Variants in PDZD8 observed in about 807,000 individuals in gnomAD.
PDZD8 encodes PDZ domain containing 8.
PDZD8 carries 14 observed loss-of-function variants against 85.8 expected under a neutral mutation model. That is an observed-to-expected ratio of 0.16 (90% confidence interval 0.11 to 0.26). The LOEUF (loss-of-function observed/expected upper bound fraction) is 0.26. Ranked by LOEUF, PDZD8 falls within the 10% of genes least tolerant of loss-of-function variation. The pLI, the probability that PDZD8 is intolerant of heterozygous loss-of-function variation, is 1.00. For missense variants in PDZD8, 1,197 were observed against 1,424.3 expected, an observed-to-expected ratio of 0.84 and a Z score of 2.57; for synonymous variants, 592 against 568.6, an observed-to-expected ratio of 1.04 and a Z score of -0.59.
intron 1 of PDZD8, among the ~76,000 whole-genome samples, chr10:117,357,857 G>A (rs1452202241): frequency 7.2e-6 from 1 of 139,538 alleles, no homozygotes; most frequent in Non-Finnish European, 1.5e-5. Flanking sequence ...ACACTATTTG[G>A]ATACTTAATG....
chr10:117,312,986 C>A (rs1029478693), intron 3 of PDZD8, among the ~76,000 whole-genome samples: 3 of 152,168 alleles, frequency 2.0e-5, no homozygotes, highest in African/African-American at 7.2e-5. Context: ...GTTTTGGAAG[C>A]ACAGTGACAT....
chr10:117,277,365 C>A lies in PDZD8; in HGVS notation c.*5903G>T. On this transcript the variant is annotated 3_prime_UTR_variant, in exon 5 of 5. Transcript: ENST00000334464. ...ACTGTCTTAGTCATACCATCCATCC[C>A]TGGTGAAAGAGTAAAACCAAAGGTT... is the stretch of plus-strand genomic sequence containing the variant. 1 of 644,402 alleles carries A rather than the reference C, an allele frequency of 1.6e-6. No individual in the cohort carries two copies. Among genetic ancestry groups the A allele is most frequent in the Non-Finnish European group, 2.6e-6 (1 of 390,232 alleles). 39.9% of individuals were successfully genotyped at this position (644,402 alleles called of 1,614,324 possible). A position where few individuals can be genotyped will look rare whatever the true frequency, so the allele number is the denominator to read the frequency against.
At position 117,284,448 on chromosome 10, in the gene PDZD8, G is replaced by A. The variant is rs1019629822; in HGVS notation, c.2285C>T (p.Pro762Leu). 1 of 1,614,134 alleles carries A rather than the reference G, an allele frequency of 6.2e-7. No individual in the cohort carries two copies. Among genetic ancestry groups the A allele is most frequent in the Non-Finnish European group, 8.5e-7 (1 of 1,180,022 alleles). Residue 762 changes from proline to leucine, a missense_variant, in exon 5 of 5, where the codon CCT becomes CTT. Pro to Leu is a moderately conservative substitution (Grantham distance 98). Coordinates refer to ENST00000334464, the MANE Select transcript of PDZD8 (RefSeq NM_173791.5). Reference protein sequence around the residue: ...LSKLRLEAPSPKAIVTRTALR... With the variant: ...LSKLRLEAPSLKAIVTRTALR... ...TGCGGTTCTAGTGACTATAGCCTTA[G>A]GTGAGGGGGCTTCCAGTCTCAATTT...
chr10:117,320,247 A>T (rs1375183255), intron 2 of PDZD8, among the ~76,000 whole-genome samples: 1 of 152,150 alleles, frequency 6.6e-6, no homozygotes, highest in Non-Finnish European at 1.5e-5. Flanking sequence ...TACATTCATT[A>T]AAGCTCTGCT....
chr10:117,284,993 T>C lies in PDZD8; in HGVS notation c.1740A>G (p.Lys580=). Reference sequence around the variant, plus strand: ...GTTTGAAAGCAGATCCTTGGGTTGGTTTTGACACTTGTGCTGGGTCTGTTA... The same window carrying C: ...GTTTGAAAGCAGATCCTTGGGTTGGCTTTGACACTTGTGCTGGGTCTGTTA... The part of the protein sequence containing the change: ...SEITDPAQVS[K]PTQGSAFKPP... The change falls in exon 5 of 5, where the codon AAA becomes AAG. Residue 580 remains lysine, a synonymous_variant. Transcript: ENST00000334464. 1 of 1,614,066 alleles carries C rather than the reference T, an allele frequency of 6.2e-7. No homozygotes were observed. The highest frequency in any genetic ancestry group is 8.5e-7 in the Non-Finnish European group (1 of 1,180,008).
At chr10:117,285,822 A>T (rs1589993717) in intron 4 of PDZD8, 1 of 838,410 alleles carries the variant, frequency 1.2e-6, no homozygotes, top group South Asian at 5.3e-5. Flanking sequence ...ACAGAGAGAG[A>T]TCTATTTAAA....
At chr10:117,331,774 T>A (rs1421103653) in intron 2 of PDZD8, among the ~76,000 whole-genome samples, 1 of 152,214 alleles carries the variant, frequency 6.6e-6, no homozygotes, top group Non-Finnish European at 1.5e-5. Flanking sequence ...TAAAGAGCTA[T>A]ATTTTGTAGT....
chr10:117,312,161 G>A (rs1844049738), intron 3 of PDZD8, among the ~76,000 whole-genome samples: 1 of 152,088 alleles, frequency 6.6e-6, no homozygotes, highest in Admixed American at 6.6e-5. Flanking sequence ...GCAGAGATCG[G>A]ATGAATGGGT....
chr10:117,330,821 A>G (rs1413518972), intron 2 of PDZD8, among the ~76,000 whole-genome samples: 1 of 149,968 alleles, frequency 6.7e-6, no homozygotes. Flanking sequence ...CTTGCCAGCA[A>G]ATTTGGCCCT....
At chr10:117,332,435 C>CA (rs1844433353) in intron 2 of PDZD8, among the ~76,000 whole-genome samples, 1 of 151,128 alleles carries the variant, frequency 6.6e-6, no homozygotes, top group Admixed American at 6.6e-5. Context: ...TACAATTTTC[C>CA]AAAACCTACA....
intron 1 of PDZD8, among the ~76,000 whole-genome samples, chr10:117,350,255 TGTTTG>T (rs755404820): frequency 7.1e-5 from 10 of 140,406 alleles, no homozygotes; most frequent in Middle Eastern, 7.2e-3. Flanking sequence ...CTGTTTTTTT[TGTTTG>T]TTTGTTTCTT....
At chr10:117,305,674 G>A (rs777205057) in intron 3 of PDZD8, among the ~76,000 whole-genome samples, 1 of 152,074 alleles carries the variant, frequency 6.6e-6, no homozygotes, top group Non-Finnish European at 1.5e-5. Context: ...TCGGTGATAC[G>A]AAGTTTCAGA....
At chr10:117,295,631 G>A (rs1308305920) in intron 3 of PDZD8, among the ~76,000 whole-genome samples, 1 of 151,902 alleles carries the variant, frequency 6.6e-6, no homozygotes, top group Non-Finnish European at 1.5e-5. Flanking sequence ...TGTTCAAAAA[G>A]ATACAAAATT....
chr10:117,374,527 G>A lies in PDZD8; in HGVS notation c.701C>T (p.Thr234Met). ...RVVGRLRLVF[T>M]RVPFTHWFFS... ...GAACCAGTGGGTGAAGGGCACGCGCGTAAAGACCAAGCGCAGCCTTCCCAC... is the reference window on the plus strand; with the variant it reads ...GAACCAGTGGGTGAAGGGCACGCGCATAAAGACCAAGCGCAGCCTTCCCAC... Residue 234 changes from threonine to methionine, a missense_variant, in exon 1 of 5, where the codon ACG (threonine) becomes ATG (methionine). By Grantham distance (81) the Thr-to-Met change is moderately conservative. Coordinates refer to ENST00000334464, the MANE Select transcript of PDZD8 (RefSeq NM_173791.5). The surrounding 1 kb of genome is among the most constrained non-coding windows in gnomAD (Gnocchi z 7.8). The A allele has an allele frequency of 1.9e-6, 3 of 1,610,164 alleles. No individual in the cohort carries two copies. The highest frequency in any genetic ancestry group is 3.4e-5 in the Admixed American group (2 of 59,198).
chr10:117,358,256 G>C (rs1335613727), intron 1 of PDZD8, among the ~76,000 whole-genome samples: 1 of 152,072 alleles, frequency 6.6e-6, no homozygotes, highest in Non-Finnish European at 1.5e-5. Context: ...TCATTTATAA[G>C]TGAAATATCA....
At chr10:117,346,727 T>G (rs1353443877) in intron 1 of PDZD8, among the ~76,000 whole-genome samples, 1 of 152,056 alleles carries the variant, frequency 6.6e-6, no homozygotes, top group Non-Finnish European at 1.5e-5. Context: ...CCTTGTCTCC[T>G]GCCCTCTTTT....
At chr10:117,338,621 G>A (rs764276351) in intron 2 of PDZD8, among the ~76,000 whole-genome samples, 8 of 152,142 alleles carry the variant, frequency 5.3e-5, no homozygotes, top group East Asian at 1.9e-4. Flanking sequence ...TGTATACCCC[G>A]TAAAAATTCT....
chr10:117,315,154 A>G (rs1403735699), intron 3 of PDZD8, among the ~76,000 whole-genome samples: 1 of 152,202 alleles, frequency 6.6e-6, no homozygotes, highest in Non-Finnish European at 1.5e-5. Context: ...CCAAATTGGA[A>G]GGATAGAGTT....
intron 3 of PDZD8, among the ~76,000 whole-genome samples, chr10:117,314,638 T>G (rs1367112467): frequency 4.6e-5 from 7 of 152,192 alleles, no homozygotes; most frequent in Non-Finnish European, 1.0e-4. Flanking sequence ...ACCTGCATAC[T>G]GGGCTACAAA....
Sources: gnomAD v4.1 joint callset for allele counts (sites outside exome capture counted in the v4.1 genomes callset) on GRCh38, gnomAD v4.1.1 for gene constraint, Gnocchi (gnomAD v3.1) non-coding constraint, MANE v1.5 for transcripts, NCBI Gene and HGNC (gene_info 2026-07-23, HGNC 2026-07-21) for gene names.